Variants in AP1S3 observed in about 807,000 individuals in gnomAD.
The protein encoded by AP1S3 is AP-1 complex subunit sigma-3.
In AP1S3, 10 loss-of-function variants were observed where a neutral mutation model predicts 20.9. The observed-to-expected ratio is 0.48, with a 90% CI of 0.29 to 0.81. AP1S3 has a LOEUF of 0.81. AP1S3 is among the 30% of genes least tolerant of loss of function. The pLI is 0.08. For synonymous variants in AP1S3, 41 were observed against 61.5 expected (o/e 0.67, Z 1.56); for missense variants, 154 against 183.8 (o/e 0.84, Z 0.94).
At chr2:223,810,151 G>A (rs17243807) in intron 1 of AP1S3, among the ~76,000 whole-genome samples, 50,456 of 152,020 alleles carry the variant, frequency 0.33, 8,763 homozygotes, top group Middle Eastern at 0.43. Context: ...TTATTAAACT[G>A]TTCAGGACAA....
At chr2:223,760,822 T>C (rs1199510923) in intron 4 of AP1S3, among the ~76,000 whole-genome samples, 6 of 152,246 alleles carry the variant, frequency 3.9e-5, no homozygotes, top group Non-Finnish European at 7.3e-5. Flanking sequence ...GACACTCCTC[T>C]ATCATATATT....
chr2:223,808,733 C>G (rs143334986), intron 1 of AP1S3, among the ~76,000 whole-genome samples: 1 of 152,304 alleles, frequency 6.6e-6, no homozygotes, highest in East Asian at 1.9e-4. Flanking sequence ...TGGCTGGGCA[C>G]AGAAGCTCAC....
intron 3 of AP1S3, among the ~76,000 whole-genome samples, chr2:223,773,842 C>T (rs1294935888): frequency 6.6e-6 from 1 of 152,132 alleles, no homozygotes; most frequent in Admixed American, 6.5e-5. Flanking sequence ...AAACATTTTC[C>T]AAATCCAATG....
rs369185660 is a variant in AP1S3 at position 223,763,916 on chromosome 2, CTTAT to C, written c.429+1293_429+1296del. On this transcript the variant is annotated intron_variant, in intron 4 of 4. Coordinates refer to ENST00000396654, the MANE Select transcript of AP1S3 (RefSeq NM_001039569.2). Reference sequence around the variant, plus strand: ...AAAAGTAGCTTTAATGCCAGTTTTACTTATTTATTTATTTATTTATTTTGAGATG... The same window carrying C: ...AAAAGTAGCTTTAATGCCAGTTTTACTTATTTATTTATTTATTTTGAGATG... Among the ~76,000 whole-genome samples, 1,483 of 152,084 alleles carry C rather than the reference CTTAT, an allele frequency of 9.8e-3. 24 individuals are homozygous for C. Among genetic ancestry groups the C allele is most frequent in the African/African-American group, 0.032 (1,348 of 41,488 alleles).
chr2:223,793,257 AAAGACAC>A (rs1220883598), intron 1 of AP1S3, among the ~76,000 whole-genome samples: 2 of 152,220 alleles, frequency 1.3e-5, no homozygotes, highest in Non-Finnish European at 2.9e-5. Flanking sequence ...ATTCTATTAT[AAAGACAC>A]ATGCCTGTGT....
At chr2:223,802,126 G>A (rs1691482818) in intron 1 of AP1S3, among the ~76,000 whole-genome samples, 1 of 152,122 alleles carries the variant, frequency 6.6e-6, no homozygotes. Context: ...GAACGTTATT[G>A]AGAGGAGGAG....
intron 4 of AP1S3, 57 bp downstream of exon 4, chr2:223,765,156 A>AGACCAT: frequency 2.0e-6 from 2 of 999,172 alleles, no homozygotes; most frequent in South Asian, 3.8e-5. Context: ...ATAATTATTA[A>AGACCAT]CACCATCATC....
chr2:223,760,384 T>C (rs1690324981), intron 4 of AP1S3, among the ~76,000 whole-genome samples: 1 of 152,230 alleles, frequency 6.6e-6, no homozygotes, highest in African/African-American at 2.4e-5. Flanking sequence ...GCTCAGGAGA[T>C]ACTAGGGCTA....
At chr2:223,833,880 CTT>C (rs761859452) in intron 1 of AP1S3, among the ~76,000 whole-genome samples, 4 of 130,518 alleles carry the variant, frequency 3.1e-5, no homozygotes, top group East Asian at 2.2e-4. Flanking sequence ...CCTTTACACT[CTT>C]TTTATTTATT....
At chr2:223,822,639 G>A (rs1010276191) in intron 1 of AP1S3, among the ~76,000 whole-genome samples, 12 of 151,578 alleles carry the variant, frequency 7.9e-5, no homozygotes, top group East Asian at 2.0e-4. Flanking sequence ...AGCCGAGATC[G>A]CGCCATTGCA....
At chr2:223,836,704 G>C (rs926192255) in intron 1 of AP1S3, among the ~76,000 whole-genome samples, 2 of 152,210 alleles carry the variant, frequency 1.3e-5, no homozygotes, top group African/African-American at 4.8e-5. Context: ...ACTTCAGCCT[G>C]GGCGACAGAG....
intron 1 of AP1S3, among the ~76,000 whole-genome samples, chr2:223,801,519 G>A (rs745939167): frequency 2.6e-5 from 4 of 151,888 alleles, no homozygotes; most frequent in African/African-American, 4.8e-5. Flanking sequence ...GTGCAGTGGC[G>A]CTGCAATCTC....
Position 223,756,054 on chromosome 2 carries a change from T to C in AP1S3, c.*2661A>G, listed in dbSNP as rs768862930. 1.7e-5 allele frequency: 17 copies of C among 985,254 alleles called. No individual in the cohort carries two copies. Among genetic ancestry groups the C allele is most frequent in the Non-Finnish European group, 1.9e-5 (16 of 829,922 alleles). The allele number at this position is 985,254 out of a possible 1,614,324, so 61.0% of individuals were successfully genotyped here. On this transcript the variant is annotated 3_prime_UTR_variant, in exon 5 of 5. Transcript: ENST00000396654. ...CAAAATTGTATTGAAAAATAAAGAA[T>C]TTGGCCGGGTGCAGCGGCTCATGCC...
intron 1 of AP1S3, among the ~76,000 whole-genome samples, chr2:223,795,670 C>T (rs567355660): frequency 6.6e-6 from 1 of 152,248 alleles, no homozygotes; most frequent in South Asian, 2.1e-4. Context: ...AGCTTGAGAG[C>T]TTGTATTTAA....
At chr2:223,819,434 A>C (rs1234971089) in intron 1 of AP1S3, among the ~76,000 whole-genome samples, 3 of 152,144 alleles carry the variant, frequency 2.0e-5, no homozygotes, top group Non-Finnish European at 2.9e-5. Flanking sequence ...CAAATATTTT[A>C]ATTCGTTCTT....
At chr2:223,770,531 C>CACACA (rs3220046) in intron 3 of AP1S3, among the ~76,000 whole-genome samples, 8 of 147,256 alleles carry the variant, frequency 5.4e-5, no homozygotes, top group Non-Finnish European at 8.9e-5. Context: ...CACACACACA[C>CACACA]CCCTTGATAT....
At chr2:223,788,136 A>ATC (rs1691119367) in intron 1 of AP1S3, among the ~76,000 whole-genome samples, 1 of 151,666 alleles carries the variant, frequency 6.6e-6, no homozygotes, top group Non-Finnish European at 1.5e-5. Flanking sequence ...TAGTAGAGAT[A>ATC]GAGTTTCACC....
chr2:223,771,109 G>A (rs1004909895), intron 3 of AP1S3, among the ~76,000 whole-genome samples: 1 of 151,866 alleles, frequency 6.6e-6, no homozygotes, highest in African/African-American at 2.4e-5. Context: ...GCTGAGGCGG[G>A]CTGATCATTT....
chr2:223,763,053 A>G (rs1690396980), intron 4 of AP1S3, among the ~76,000 whole-genome samples: 1 of 152,220 alleles, frequency 6.6e-6, no homozygotes, highest in Non-Finnish European at 1.5e-5. Flanking sequence ...GCTCCCCAGA[A>G]TATTTACTGA....
Sources: allele counts gnomAD v4.1 joint callset (sites outside exome capture counted in the v4.1 genomes callset), GRCh38; gene constraint gnomAD v4.1.1; transcripts MANE v1.5; gene names NCBI Gene and HGNC (gene_info 2026-07-23, HGNC 2026-07-21).